Variants in PPARGC1A observed in about 807,000 individuals in gnomAD.
The protein encoded by PPARGC1A is peroxisome proliferator-activated receptor gamma coactivator 1-alpha.
In PPARGC1A, 25 loss-of-function variants were observed where a neutral mutation model predicts 88.7. That is an observed-to-expected ratio of 0.28 (90% CI 0.21 to 0.39). The LOEUF is 0.39. Among genes scored for constraint, PPARGC1A ranks in the 10% least tolerant of loss-of-function variants. PPARGC1A has a pLI of 1.00. For missense variants in PPARGC1A, 880 were observed against 968.7 expected, an observed-to-expected ratio of 0.91 and a Z score of 1.22; for synonymous variants, 363 against 355.6, an observed-to-expected ratio of 1.02 and a Z score of -0.24.
the PPARGC1A span, among the ~76,000 whole-genome samples, chr4:23,929,877 T>C: frequency 6.6e-6 from 1 of 152,188 alleles, no homozygotes. Flanking sequence ...TTTATGAGGC[T>C]CTTCTCATTA....
the PPARGC1A span, among the ~76,000 whole-genome samples, chr4:24,142,252 A>C: frequency 6.6e-6 from 1 of 152,204 alleles, no homozygotes; most frequent in Non-Finnish European, 1.5e-5. Context: ...AGGTACTTAC[A>C]TTTTAGGAAG....
chr4:24,129,003 A>G, the PPARGC1A span, among the ~76,000 whole-genome samples: 1 of 152,250 alleles, frequency 6.6e-6, no homozygotes, highest in Non-Finnish European at 1.5e-5. Flanking sequence ...TTCAACGAGG[A>G]GTCATAGCAC....
chr4:24,014,028 TG>T, the PPARGC1A span, among the ~76,000 whole-genome samples: 1 of 152,208 alleles, frequency 6.6e-6, no homozygotes, highest in Non-Finnish European at 1.5e-5. Context: ...CCTCGTGCAA[TG>T]CTGTAGGATG....
At chr4:24,148,181 G>A in the PPARGC1A span, among the ~76,000 whole-genome samples, 1 of 152,072 alleles carries the variant, frequency 6.6e-6, no homozygotes, top group African/African-American at 2.4e-5. Context: ...ACTTTAACTA[G>A]ACCATGTGGC....
At chr4:24,385,676 C>T in the PPARGC1A span, among the ~76,000 whole-genome samples, 1 of 152,248 alleles carries the variant, frequency 6.6e-6, no homozygotes, top group African/African-American at 2.4e-5. Context: ...CATACACCCT[C>T]GCAAGACTAA....
the PPARGC1A span, among the ~76,000 whole-genome samples, chr4:24,004,736 T>C: frequency 1.3e-5 from 2 of 152,112 alleles, no homozygotes; most frequent in South Asian, 2.1e-4. Context: ...TTATGAAAAA[T>C]TGGAGTTCTT....
the PPARGC1A span, among the ~76,000 whole-genome samples, chr4:24,037,924 C>A: frequency 6.6e-6 from 1 of 152,162 alleles, no homozygotes; most frequent in Non-Finnish European, 1.5e-5. Context: ...AAAGTAGGCA[C>A]TCAAAAATTT....
Position 23,814,310 on chromosome 4 carries a change from A to G in PPARGC1A, c.1173T>C (p.Asn391=), listed in dbSNP as rs1721519571. ...FGDHDYCQSI[N]SKTEILINIS... is the part of the protein sequence containing the mutation. Reference sequence around the variant, plus strand: ...TATTAATGAGTATTTCTGTTTTGGAATTAATTGACTGGCAATAGTCATGGT... The same window carrying G: ...TATTAATGAGTATTTCTGTTTTGGAGTTAATTGACTGGCAATAGTCATGGT... The change falls in exon 8 of 13, where the codon AAT becomes AAC. Residue 391 remains asparagine, a synonymous_variant. Coordinates refer to ENST00000264867, the MANE Select transcript of PPARGC1A (RefSeq NM_013261.5). The G allele has an allele frequency of 6.2e-7, 1 of 1,613,948 alleles. No individual in the cohort carries two copies.
upstream of PPARGC1A, among the ~76,000 whole-genome samples, chr4:23,892,544 G>GTTTTTT (rs34009315): frequency 6.9e-6 from 1 of 144,100 alleles, no homozygotes; most frequent in African/African-American, 2.5e-5. Flanking sequence ...CTTCAGTCCA[G>GTTTTTT]TTTTTTTTTT....
At chr4:24,122,027 G>A in the PPARGC1A span, among the ~76,000 whole-genome samples, 8 of 152,086 alleles carry the variant, frequency 5.3e-5, no homozygotes, top group African/African-American at 1.9e-4. Flanking sequence ...AGAGAAAAGG[G>A]ATGAGCTGGA....
the PPARGC1A span, among the ~76,000 whole-genome samples, chr4:24,002,528 G>T: frequency 6.6e-6 from 1 of 151,570 alleles, no homozygotes; most frequent in Admixed American, 6.6e-5. Context: ...CAGCCGCAAA[G>T]GTTTAAAAAG....
At chr4:24,162,212 G>T in the PPARGC1A span, among the ~76,000 whole-genome samples, 9 of 152,102 alleles carry the variant, frequency 5.9e-5, no homozygotes, top group Non-Finnish European at 1.3e-4. Context: ...GGGGACTTGG[G>T]AGGAAAGGGT....
chr4:24,357,877 G>T, the PPARGC1A span, among the ~76,000 whole-genome samples: 3 of 152,144 alleles, frequency 2.0e-5, no homozygotes, highest in Non-Finnish European at 4.4e-5. Flanking sequence ...CAACCACATG[G>T]AACTGTGAGT....
chr4:24,005,453 G>A, the PPARGC1A span, among the ~76,000 whole-genome samples: 7 of 152,078 alleles, frequency 4.6e-5, no homozygotes, highest in South Asian at 2.1e-4. Context: ...TCCCAACCCC[G>A]TCCCCTTGAA....
the PPARGC1A span, among the ~76,000 whole-genome samples, chr4:24,113,082 G>T: frequency 5.9e-5 from 9 of 152,160 alleles, no homozygotes; most frequent in South Asian, 1.9e-3. Flanking sequence ...GAACTTCCAG[G>T]TACACACTTT....
the PPARGC1A span, among the ~76,000 whole-genome samples, chr4:24,217,249 G>A: frequency 6.6e-6 from 1 of 152,176 alleles, no homozygotes; most frequent in South Asian, 2.1e-4. Context: ...TTAAAGAATT[G>A]TAGCCCTGCT....
At chr4:24,229,152 C>CTTTTTT in the PPARGC1A span, among the ~76,000 whole-genome samples, 66 of 60,916 alleles carry the variant, frequency 1.1e-3, 11 homozygotes, top group South Asian at 8.8e-3. Context: ...GTATCTGGAC[C>CTTTTTT]TTTTTTTTTT....
At position 23,889,919 on chromosome 4, in the gene PPARGC1A, T is replaced by C. The variant is rs1269283427; in HGVS notation, c.39A>G (p.Val13=). Reference sequence around the variant, plus strand: ...CCCAGCTCACCTCGATGTCACTCCATACAGACTCAGAGTCCTGGTTGCACA... The same window carrying C: ...CCCAGCTCACCTCGATGTCACTCCACACAGACTCAGAGTCCTGGTTGCACA... ...WDMCNQDSES[V]WSDIECAALV... Residue 13 remains valine (V), a synonymous_variant, in exon 1 of 13, where the codon GTA becomes GTG. Coordinates refer to ENST00000264867, the MANE Select transcript of PPARGC1A (RefSeq NM_013261.5). 2 of 1,613,754 alleles carry C rather than the reference T, an allele frequency of 1.2e-6. No individual in the cohort carries two copies. The highest frequency in any genetic ancestry group is 2.2e-5 in the East Asian group (1 of 44,860).
chr4:24,147,266 G>A, the PPARGC1A span, among the ~76,000 whole-genome samples: 1 of 152,202 alleles, frequency 6.6e-6, no homozygotes, highest in Non-Finnish European at 1.5e-5. Flanking sequence ...TTGGACTCAT[G>A]CTCGAACCGG....
Sources: gnomAD v4.1 joint callset for allele counts (sites outside exome capture counted in the v4.1 genomes callset) on GRCh38, gnomAD v4.1.1 for gene constraint, MANE v1.5 for transcripts, NCBI Gene and HGNC (gene_info 2026-07-23, HGNC 2026-07-21) for gene names.